The following IRAG2 variants were observed in gnomAD, a reference collection of about 807,000 sequenced individuals.
IRAG2 encodes inositol 1,4,5-triphosphate receptor associated 2, also known as lymphoid restricted membrane protein.
In IRAG2, 45 loss-of-function variants were observed where a neutral mutation model predicts 69.9. The observed-to-expected ratio is 0.64, with a 90% CI of 0.51 to 0.83. IRAG2 has a LOEUF of 0.83. Among genes scored for constraint, IRAG2 ranks in the 40% least tolerant of loss-of-function variants. The pLI, the probability that IRAG2 is intolerant of heterozygous loss-of-function variation, is 0.00. For synonymous variants in IRAG2, 193 were observed against 202.4 expected (o/e 0.95, Z 0.40); for missense variants, 520 against 587.0 (o/e 0.89, Z 1.18).
At chr12:25,041,609 C>A (rs1337316537) in intron 16 of IRAG2, among the ~76,000 whole-genome samples, 8 of 151,408 alleles carry the variant, frequency 5.3e-5, no homozygotes, top group Non-Finnish European at 2.9e-5. Context: ...TCAAGTGATT[C>A]TCTTGCCTCA....
intron 10 of IRAG2, among the ~76,000 whole-genome samples, chr12:25,086,540 C>T (rs1947618159): frequency 6.6e-6 from 1 of 151,950 alleles, no homozygotes. Context: ...AGCAAAAATC[C>T]AAGTGTGTGG....
chr12:25,064,877 G>C (rs1263920924), intron 4 of IRAG2, among the ~76,000 whole-genome samples: 4 of 152,136 alleles, frequency 2.6e-5, no homozygotes, highest in African/African-American at 9.7e-5. Flanking sequence ...ATTGCTTGAG[G>C]TCAGGAGTTG....
At chr12:25,031,604 A>C (rs1379890048) in intron 10 of IRAG2, among the ~76,000 whole-genome samples, 1 of 152,296 alleles carries the variant, frequency 6.6e-6, no homozygotes, top group African/African-American at 2.4e-5. Flanking sequence ...AGACAAACAC[A>C]GATTATATTG....
At chr12:25,062,165 AG>A (rs1297064924) in intron 2 of IRAG2, among the ~76,000 whole-genome samples, 1 of 152,206 alleles carries the variant, frequency 6.6e-6, no homozygotes, top group African/African-American at 2.4e-5. Flanking sequence ...CTTTTTGTTC[AG>A]AAATGAAGAA....
intron 14 of IRAG2, chr12:25,093,391 C>T (rs981690554): frequency 6.5e-6 from 1 of 153,242 alleles, no homozygotes; most frequent in African/African-American, 2.4e-5. Flanking sequence ...GCTGGTTTCT[C>T]TGAAAGGGCT....
intron 14 of IRAG2, among the ~76,000 whole-genome samples, chr12:25,092,524 C>CATTGCACTCCAGCCTGGGTG (rs1948133459): frequency 7.0e-6 from 1 of 143,584 alleles, no homozygotes; most frequent in Non-Finnish European, 1.5e-5. Flanking sequence ...GAAATCATGC[C>CATTGCACTCCAGCCTGGGTG]ATTGCACTCC....
At chr12:25,015,168 T>TG in intron 3 of IRAG2, 3 of 1,214,636 alleles carry the variant, frequency 2.5e-6, no homozygotes, top group Non-Finnish European at 3.1e-6. Context: ...TTTTTTTTTT[T>TG]TTTTTGGCTA....
Position 25,101,850 on chromosome 12 carries a change from T to C in IRAG2, c.890-348T>C, listed in dbSNP as rs192299554. 6.0e-6 allele frequency: 3 copies of C among 498,158 alleles called. No individual in the cohort carries two copies. In the Admixed American group the frequency reaches 7.5e-5, roughly 13 times the overall value. The allele number at this position is 498,158 out of a possible 1,614,324, so 30.9% of individuals were successfully genotyped here. A position where few individuals can be genotyped will look rare whatever the true frequency, so the allele number is the denominator to read the frequency against. On this transcript the variant is annotated intron_variant, in intron 16 of 21. Coordinates refer to ENST00000556887, the MANE Select transcript of IRAG2 (RefSeq NM_001366544.2). Reference sequence around the variant, plus strand: ...ACAATATGAACTTTTCTGAGCAGAATTCTTATTTCAAGAATCTGTTCCCTG... The same window carrying C: ...ACAATATGAACTTTTCTGAGCAGAACTCTTATTTCAAGAATCTGTTCCCTG...
intron 6 of IRAG2, among the ~76,000 whole-genome samples, chr12:25,076,992 C>T (rs1946728525): frequency 6.6e-6 from 1 of 150,908 alleles, no homozygotes; most frequent in Non-Finnish European, 1.5e-5. Flanking sequence ...CCTCCCATCT[C>T]ACCCTCCCAA....
rs1271632613 is a variant in IRAG2 at position 25,105,571 on chromosome 12, G to A, written c.1148+1109G>A. Among the ~76,000 whole-genome samples the A allele has an allele frequency of 4.6e-5, 7 of 151,580 alleles. No individual in the cohort carries two copies. In the East Asian group the frequency reaches 1.4e-3, roughly 29 times the overall value. On this transcript the variant is annotated intron_variant, in intron 20 of 21. Transcript: ENST00000556887. ...GTTTTTTTCTTTTTTTTAAAGTCCT[G>A]GGAGCCTACTGCATGTGTTACAAAC...
intron 15 of IRAG2, among the ~76,000 whole-genome samples, chr12:25,098,947 C>T (rs1253569016): frequency 1.3e-5 from 2 of 152,130 alleles, no homozygotes; most frequent in Non-Finnish European, 2.9e-5. Flanking sequence ...GAAATGCTTT[C>T]CTCACTTAGC....
chr12:25,061,767 A>G (rs1470326881), intron 2 of IRAG2, 114 bp downstream of exon 2: 4 of 395,860 alleles, frequency 1.0e-5, no homozygotes, highest in Non-Finnish European at 8.9e-6. Flanking sequence ...TTAAATAACC[A>G]GTTTAGAAGA....
upstream of IRAG2, among the ~76,000 whole-genome samples, chr12:25,049,796 C>G (rs189047481): frequency 2.0e-5 from 3 of 151,700 alleles, no homozygotes; most frequent in African/African-American, 7.3e-5. Context: ...TCCTGGCTAA[C>G]AAGGTGAAAC....
intron 10 of IRAG2, among the ~76,000 whole-genome samples, 177 bp from the exon 11 acceptor site, chr12:25,087,923 T>G (rs1399992323): frequency 1.3e-5 from 2 of 152,146 alleles, no homozygotes; most frequent in Admixed American, 6.5e-5. Flanking sequence ...CCCCCTCACC[T>G]CACCCCCGTG....
At chr12:25,058,514 G>A (rs963014827) in intron 1 of IRAG2, among the ~76,000 whole-genome samples, 79 of 152,248 alleles carry the variant, frequency 5.2e-4, no homozygotes, top group African/African-American at 1.9e-3. Flanking sequence ...AATGAACCCT[G>A]ATATTTTTAA....
intron 9 of IRAG2, among the ~76,000 whole-genome samples, chr12:25,081,203 C>T (rs1947182525): frequency 6.6e-6 from 1 of 152,202 alleles, no homozygotes; most frequent in African/African-American, 2.4e-5. Context: ...TGGCTCACGC[C>T]TGTAATCCCA....
rs759869112 is a variant in IRAG2 at position 25,096,926 on chromosome 12, G to A, written c.623G>A (p.Cys208Tyr). 20 of 1,612,950 alleles carry A rather than the reference G, an allele frequency of 1.2e-5. No individual in the cohort carries two copies. The highest frequency in any genetic ancestry group is 1.5e-5 in the Non-Finnish European group (18 of 1,179,604). The change falls in exon 15 of 22, where the codon TGT (cysteine) becomes TAT (tyrosine). Residue 208 changes from cysteine to tyrosine, a missense_variant. By Grantham distance (194) the Cys-to-Tyr change is radical (BLOSUM62 -2). Coordinates refer to ENST00000556887, the MANE Select transcript of IRAG2 (RefSeq NM_001366544.2). ...TCTATACAGTCTTTAACACCTCTGT[G>A]TGAAGATGACAACCAGGCACAGGAA... Reference protein sequence around the residue: ...LKLLESLTPLCEDDNQAQEII... With the variant: ...LKLLESLTPLYEDDNQAQEII...
intron 2 of IRAG2, among the ~76,000 whole-genome samples, chr12:25,061,877 A>C (rs192706063): frequency 4.7e-4 from 72 of 152,332 alleles, no homozygotes; most frequent in Non-Finnish European, 9.0e-4. Flanking sequence ...AATATCTTCT[A>C]GAGAGGAAGC....
intron 9 of IRAG2, chr12:25,027,001 A>G: frequency 2.3e-6 from 1 of 427,556 alleles, no homozygotes; most frequent in Non-Finnish European, 3.9e-6. Flanking sequence ...AAAATATTTG[A>G]GTTATATAAA....
Sources: gnomAD v4.1 joint callset for allele counts (sites outside exome capture counted in the v4.1 genomes callset) on GRCh38, gnomAD v4.1.1 for gene constraint, MANE v1.5 for transcripts, NCBI Gene and HGNC (gene_info 2026-07-23, HGNC 2026-07-21) for gene names.